METTL15: variants seen among roughly 807,000 people sequenced by gnomAD.
The protein encoded by METTL15 is methyltransferase 15, mitochondrial 12S rRNA N4-cytidine.
A neutral mutation model predicts 38.3 loss-of-function variants in METTL15; 34 were observed. The observed-to-expected ratio is 0.89, with a 90% CI of 0.68 to 1.18. The LOEUF (loss-of-function observed/expected upper bound fraction) is 1.18, where lower values mean the gene tolerates loss of function less well. Among genes scored for constraint, METTL15 ranks in the 50% most tolerant of loss-of-function variants. The pLI is 0.00. For synonymous variants in METTL15, 162 were observed against 170.9 expected (o/e 0.95, Z 0.41); for missense variants, 438 against 498.4 (o/e 0.88, Z 1.15).
chr11:28,121,091 C>T (rs1852215312), intron 3 of METTL15, among the ~76,000 whole-genome samples: 1 of 151,486 alleles, frequency 6.6e-6, no homozygotes, highest in Non-Finnish European at 1.5e-5. Flanking sequence ...TGACTGTTAC[C>T]CTGTTGTGCT....
intron 4 of METTL15, among the ~76,000 whole-genome samples, chr11:28,231,705 G>A (rs780477572): frequency 3.2e-4 from 48 of 151,724 alleles, no homozygotes; most frequent in African/African-American, 9.2e-4. Flanking sequence ...GTTTATTTAC[G>A]TAGCGTTATT....
At chr11:28,510,545 A>G (rs1410564662) in intron 6 of METTL15, among the ~76,000 whole-genome samples, 4 of 152,158 alleles carry the variant, frequency 2.6e-5, no homozygotes, top group African/African-American at 9.7e-5. Flanking sequence ...TGTTTATAAT[A>G]GTAGTATCAG....
chr11:28,363,763 A>G lies in METTL15; in HGVS notation c.*358+1727A>G, dbSNP rs75277971. On this transcript the variant is annotated intron_variant and NMD_transcript_variant, in intron 5 of 7. Coordinates refer to the METTL15 transcript ENST00000532947. The stretch of plus-strand genomic sequence containing the variant: ...TCTTAGACATATCTTTGCCAAAGCC[A>G]ATGTCAAGAAGTATATTTCCTAGGT... 3.6e-3 allele frequency among the ~76,000 whole-genome samples: 542 copies of G among 152,298 alleles called. 2 individuals carry two copies. The highest frequency in any genetic ancestry group is 6.3e-3 in the Non-Finnish European group (427 of 68,016).
intron 5 of METTL15, among the ~76,000 whole-genome samples, chr11:28,291,803 A>G (rs544182426): frequency 2.6e-5 from 4 of 152,296 alleles, no homozygotes; most frequent in African/African-American, 2.4e-5. Flanking sequence ...CAAAACTTCT[A>G]GTTACTAGTA....
chr11:28,197,568 C>A, intron 3 of METTL15: 1 of 434,262 alleles, frequency 2.3e-6, no homozygotes. Context: ...ACTTGCCTAA[C>A]AAGGATTTCC....
intron 3 of METTL15, chr11:28,134,480 C>T (rs777088993): frequency 1.0e-5 from 4 of 398,182 alleles, no homozygotes; most frequent in South Asian, 1.3e-4. Flanking sequence ...TGGAGGTTCT[C>T]CAGGGATCCT....
At chr11:28,358,191 C>T (rs1242471054) in intron 4 of METTL15, among the ~76,000 whole-genome samples, 3 of 152,106 alleles carry the variant, frequency 2.0e-5, no homozygotes, top group Non-Finnish European at 4.4e-5. Context: ...GAACTAAATT[C>T]TGTCAACAGC....
chr11:28,492,417 C>T (rs2133482815), intron 6 of METTL15, among the ~76,000 whole-genome samples: 1 of 152,142 alleles, frequency 6.6e-6, no homozygotes, highest in East Asian at 1.9e-4. Flanking sequence ...AACATTGAAT[C>T]AGGTCCTGTG....
Position 28,237,989 on chromosome 11 carries a change from C to T in METTL15, c.407+26791C>T, listed in dbSNP as rs528766150. ...GTTTTTTCTCAGAGGAGTACCCGGC[C>T]GTATGAGGTGTCAGTCTGCCCCTGC... On this transcript the variant is annotated intron_variant, in intron 4 of 6. Coordinates refer to ENST00000407364, the MANE Select transcript of METTL15 (RefSeq NM_001113528.2). Among the ~76,000 whole-genome samples, 179 of 152,200 alleles carry T rather than the reference C, an allele frequency of 1.2e-3. 2 individuals are homozygous for T. Among genetic ancestry groups the T allele is most frequent in the Non-Finnish European group, 2.1e-3 (142 of 68,022 alleles).
chr11:28,246,602 G>A (rs1178412793), intron 4 of METTL15, among the ~76,000 whole-genome samples: 1 of 151,998 alleles, frequency 6.6e-6, no homozygotes, highest in African/African-American at 2.4e-5. Context: ...ACCTATTATG[G>A]GCCAAAGTAA....
At chr11:28,144,035 T>A (rs1391731229) in intron 3 of METTL15, among the ~76,000 whole-genome samples, 1 of 152,154 alleles carries the variant, frequency 6.6e-6, no homozygotes, top group Admixed American at 6.6e-5. Flanking sequence ...CTATAATTAT[T>A]TATTTAATTG....
At chr11:28,409,336 G>C (rs911427306) in intron 5 of METTL15, among the ~76,000 whole-genome samples, 13 of 119,014 alleles carry the variant, frequency 1.1e-4, no homozygotes, top group South Asian at 8.3e-4. Context: ...GAGCCGAGAT[G>C]ATGCCACTGC....
At chr11:28,260,621 G>C (rs1855164579) in intron 4 of METTL15, among the ~76,000 whole-genome samples, 1 of 152,070 alleles carries the variant, frequency 6.6e-6, no homozygotes, top group Non-Finnish European at 1.5e-5. Flanking sequence ...ACTACCCCCA[G>C]TCTCTCTACA....
chr11:28,351,470 A>G (rs1177894792), intron 3 of METTL15, among the ~76,000 whole-genome samples: 1 of 152,204 alleles, frequency 6.6e-6, no homozygotes, highest in Non-Finnish European at 1.5e-5. Flanking sequence ...TAGCATAAAC[A>G]TCTGGAATCT....
chr11:28,136,425 G>A (rs1338088545), intron 3 of METTL15, among the ~76,000 whole-genome samples: 1 of 152,106 alleles, frequency 6.6e-6, no homozygotes, highest in Non-Finnish European at 1.5e-5. Context: ...CCATGATTGT[G>A]TGGGCTCCCC....
chr11:28,507,995 T>G (rs368965485), intron 6 of METTL15, among the ~76,000 whole-genome samples: 1 of 152,212 alleles, frequency 6.6e-6, no homozygotes, highest in Non-Finnish European at 1.5e-5. Flanking sequence ...TTATAAAAGA[T>G]CTGAAATCCT....
At chr11:28,469,787 G>A (rs1030932288) in intron 6 of METTL15, among the ~76,000 whole-genome samples, 1 of 152,056 alleles carries the variant, frequency 6.6e-6, no homozygotes, top group African/African-American at 2.4e-5. Flanking sequence ...CATGAAATGA[G>A]ATTCATTTAG....
intron 4 of METTL15, among the ~76,000 whole-genome samples, chr11:28,245,662 C>T (rs1435792947): frequency 6.6e-6 from 1 of 152,080 alleles, no homozygotes; most frequent in Non-Finnish European, 1.5e-5. Context: ...ATACCTGAGA[C>T]TTGGTAATTT....
intron 5 of METTL15, among the ~76,000 whole-genome samples, chr11:28,398,232 A>G (rs563931670): frequency 2.6e-5 from 4 of 152,206 alleles, no homozygotes; most frequent in African/African-American, 9.6e-5. Context: ...AAAAATAAAA[A>G]AATTCAAAAA....
Sources: allele counts gnomAD v4.1 joint callset (sites outside exome capture counted in the v4.1 genomes callset), GRCh38; gene constraint gnomAD v4.1.1; transcripts MANE v1.5; gene names NCBI Gene and HGNC (gene_info 2026-07-23, HGNC 2026-07-21).